Variants in DOCK10 observed in about 807,000 individuals in gnomAD.
DOCK10 encodes the protein dedicator of cytokinesis protein 10.
Under a neutral mutation model 280.1 loss-of-function variants are expected in DOCK10, and 145 were observed. The ratio of observed to expected loss-of-function variants is 0.52; its 90% CI spans 0.45 to 0.59. The LOEUF (loss-of-function observed/expected upper bound fraction) is 0.59, where lower values mean the gene tolerates loss of function less well. Among genes scored for constraint, DOCK10 ranks in the 20% least tolerant of loss-of-function variants. The pLI, the probability that DOCK10 is intolerant of heterozygous loss-of-function variation, is 0.00. For synonymous variants in DOCK10, 915 were observed against 942.2 expected (o/e 0.97, Z 0.53); for missense variants, 2,368 against 2,651.7 (o/e 0.89, Z 2.35).
In DOCK10 at chr2:225,011,925, C is replaced by T. The variant is rs758976535; in HGVS notation, c.123+30327G>A. Among the ~76,000 whole-genome samples, 4 of 152,024 alleles carry T rather than the reference C, an allele frequency of 2.6e-5. No homozygotes were observed. The East Asian group carries it at 5.8e-4, about 22-fold the overall frequency. ...CATCAGGGCAAGCTCAATGCACATA[C>T]GCAACTGAATTAAAAACGAGCTCAC... On this transcript the variant is annotated intron_variant, in intron 1 of 55. Transcript: ENST00000258390.
At chr2:224,933,077 A>G (rs952752594) in intron 1 of DOCK10, among the ~76,000 whole-genome samples, 2 of 152,198 alleles carry the variant, frequency 1.3e-5, no homozygotes, top group Admixed American at 1.3e-4. Context: ...CTAGTTTAGT[A>G]AAAAAGAAAT....
chr2:224,830,650 C>A, intron 26 of DOCK10, 38 bp from the exon 27 acceptor site: 2 of 1,262,872 alleles, frequency 1.6e-6, no homozygotes, highest in East Asian at 2.5e-5. Flanking sequence ...ATTTATTATC[C>A]TATGGCAAAA....
chr2:224,783,298 A>G (rs1337644526), intron 50 of DOCK10, among the ~76,000 whole-genome samples: 5 of 148,724 alleles, frequency 3.4e-5, no homozygotes, highest in Non-Finnish European at 7.4e-5. Context: ...TTCTTGAGGC[A>G]GAGTCTCACT....
chr2:224,801,363 G>A lies in DOCK10; in HGVS notation c.4393+553C>T, dbSNP rs146917514. 3.3e-5 allele frequency among the ~76,000 whole-genome samples: 5 copies of A among 151,086 alleles called. No homozygotes were observed. In the East Asian group the frequency reaches 9.7e-4, roughly 29 times the overall value. Reference sequence around the variant, plus strand: ...TTATCTGTCATGTGATGTTATGCCAGAGTCAGGTTGGAAAGTAAGCCATGT... The same window carrying A: ...TTATCTGTCATGTGATGTTATGCCAAAGTCAGGTTGGAAAGTAAGCCATGT... On this transcript the variant is annotated intron_variant, in intron 40 of 55. Transcript: ENST00000258390.
chr2:224,914,454 T>C (rs892593600), intron 3 of DOCK10, among the ~76,000 whole-genome samples: 1 of 152,160 alleles, frequency 6.6e-6, no homozygotes, highest in Non-Finnish European at 1.5e-5. Context: ...CAACTTGAAG[T>C]AGAAAGTTTA....
intron 30 of DOCK10, 55 bp downstream of exon 30, chr2:224,816,562 C>A: frequency 9.5e-7 from 1 of 1,056,532 alleles, no homozygotes; most frequent in Non-Finnish European, 1.4e-6. Context: ...GTAAAACGAA[C>A]AAACAAAAGC....
chr2:225,034,929 A>G (rs1046035578), intron 1 of DOCK10, among the ~76,000 whole-genome samples: 1 of 152,136 alleles, frequency 6.6e-6, no homozygotes, highest in African/African-American at 2.4e-5. Flanking sequence ...CTCACCCTCC[A>G]CTTGGTAATC....
chr2:224,950,601 G>C (rs1703675049), intron 1 of DOCK10, among the ~76,000 whole-genome samples: 1 of 152,160 alleles, frequency 6.6e-6, no homozygotes, highest in Non-Finnish European at 1.5e-5. Context: ...AGGGAAAAAG[G>C]GTGGTAAGAA....
intron 14 of DOCK10, chr2:224,860,490 A>T (rs1241354715): frequency 6.6e-6 from 1 of 152,162 alleles, no homozygotes; most frequent in East Asian, 1.9e-4. Context: ...TCTTTTGTAG[A>T]TTAAAAAAAT....
At chr2:225,029,096 G>A (rs1189106065) in intron 1 of DOCK10, among the ~76,000 whole-genome samples, 1 of 152,162 alleles carries the variant, frequency 6.6e-6, no homozygotes, top group Admixed American at 6.5e-5. Flanking sequence ...GAGTCCTCCC[G>A]TGGCATTGCT....
chr2:225,003,879 TGCTCTACAGGTCCAATCATAATAGA>T (rs1276028209), intron 1 of DOCK10, among the ~76,000 whole-genome samples: 3 of 152,206 alleles, frequency 2.0e-5, no homozygotes, highest in Non-Finnish European at 4.4e-5. Context: ...GTTTTACATC[TGCTCTACAGGTCCAATCATAATAGA>T]GCTCACTGTT....
chr2:224,921,488 T>A (rs1701751266), intron 2 of DOCK10, among the ~76,000 whole-genome samples: 1 of 151,756 alleles, frequency 6.6e-6, no homozygotes, highest in African/African-American at 2.4e-5. Context: ...AAGGTAATGT[T>A]CACATCCAAT....
chr2:224,812,153 T>A (rs1372390438), intron 31 of DOCK10, among the ~76,000 whole-genome samples: 1 of 152,212 alleles, frequency 6.6e-6, no homozygotes, highest in Non-Finnish European at 1.5e-5. Context: ...GTATCCTCTT[T>A]TATTTCACTG....
chr2:224,797,875 G>T lies in DOCK10; in HGVS notation c.4601C>A (p.Ala1534Glu), dbSNP rs369419030. The part of the protein sequence containing the change: ...LFFQVNQSAT[A>E]LKHVFASLRL... ...CAAGGAGGCAAACACATGCTTCAGC[G>T]CTGTGGCTGACTGATTGACTTGGAA... The change falls in exon 42 of 56, where the codon GCG becomes GAG. Residue 1534 changes from alanine (A) to glutamate (E), a missense_variant. Coordinates refer to ENST00000258390, the MANE Select transcript of DOCK10 (RefSeq NM_014689.3). 6.2e-7 allele frequency: 1 copy of T among 1,613,860 alleles called. No individual in the cohort carries two copies.
rs142756638 is a variant in DOCK10 at position 224,904,969 on chromosome 2, C to T, written c.334-8592G>A. Among the ~76,000 whole-genome samples the T allele has an allele frequency of 2.8e-4, 43 of 152,172 alleles. No homozygotes were observed. In the East Asian group the frequency reaches 8.1e-3, roughly 29 times the overall value. ...GCATGAAGTACTTTTAAATTATAGC[C>T]AACTCCCCCTCCTCTGTAATTTTCT... On this transcript the variant is annotated intron_variant, in intron 3 of 55. Transcript: ENST00000258390.
chr2:224,982,441 T>A (rs1705799158), intron 1 of DOCK10: 2 of 1,229,888 alleles, frequency 1.6e-6, no homozygotes, highest in Non-Finnish European at 2.0e-6. Context: ...TCCTTGTCCC[T>A]GAAAACAGCC....
intron 1 of DOCK10, among the ~76,000 whole-genome samples, chr2:225,028,957 T>G (rs1421417183): frequency 6.6e-6 from 1 of 152,170 alleles, no homozygotes; most frequent in Admixed American, 6.5e-5. Context: ...AGTGCTCTAT[T>G]GGGTTTAAGG....
chr2:225,032,111 TTTAA>T (rs1279538123), intron 1 of DOCK10, among the ~76,000 whole-genome samples: 1 of 152,288 alleles, frequency 6.6e-6, no homozygotes, highest in East Asian at 1.9e-4. Flanking sequence ...TAAGTTTTAT[TTTAA>T]TTCTCTATGA....
chr2:224,843,650 A>G lies in DOCK10; in HGVS notation c.2568+1103T>C, dbSNP rs1574923282. On this transcript the variant is annotated intron_variant, in intron 22 of 55. Transcript: ENST00000258390. ...ATGGCTTACAGATAAAGCAGCATGA[A>G]GCAAAAAATGAAAAGCAGATACACA... 2.6e-5 allele frequency among the ~76,000 whole-genome samples: 4 copies of G among 152,312 alleles called. No individual in the cohort carries two copies. In the South Asian group the frequency reaches 8.3e-4, roughly 32 times the overall value.
Sources: allele counts gnomAD v4.1 joint callset (sites outside exome capture counted in the v4.1 genomes callset), GRCh38; gene constraint gnomAD v4.1.1; transcripts MANE v1.5; gene names NCBI Gene and HGNC (gene_info 2026-07-23, HGNC 2026-07-21).